The following EMX2 variants were observed in gnomAD, a reference collection of about 807,000 sequenced individuals.
EMX2 encodes homeobox protein EMX2.
A neutral mutation model predicts 23.0 loss-of-function variants in EMX2; 6 were observed. The observed-to-expected ratio is 0.26, with a 90% CI of 0.14 to 0.52. EMX2 has a LOEUF of 0.52. Ranked by LOEUF, EMX2 falls within the 20% of genes least tolerant of loss-of-function variation. The probability of loss-of-function intolerance (pLI) is 0.97; values close to 1 mark genes in which losing one functional copy is unlikely to be tolerated. For missense variants in EMX2, 302 were observed against 341.4 expected, an observed-to-expected ratio of 0.88 and a Z score of 0.91; for synonymous variants, 175 against 153.3, an observed-to-expected ratio of 1.14 and a Z score of -1.04.
rs41308651 is a variant in EMX2 at position 117,548,048 on chromosome 10, C to A, written c.592-17C>A. On this transcript the variant is annotated splice_polypyrimidine_tract_variant and intron_variant, in intron 2 of 2. Transcript: ENST00000553456. ...CTCTGAAAGAACTAACGCACCCCAT[C>A]TGCCTCTCACCCGCAGGTAAAAGTA... 2,576 of 1,603,146 alleles carry A rather than the reference C, an allele frequency of 1.6e-3. 4 individuals carry two copies. Among genetic ancestry groups the A allele is most frequent in the Non-Finnish European group, 2.0e-3 (2,347 of 1,174,858 alleles).
At chr10:117,545,891 A>G (rs1846571801) in intron 2 of EMX2, 75 bp downstream of exon 2, 1 of 1,596,544 alleles carries the variant, frequency 6.3e-7, no homozygotes, top group Non-Finnish European at 8.6e-7. Flanking sequence ...AAGCACACCC[A>G]TGAGCACGGA....
intron 1 of EMX2, chr10:117,545,096 C>A (rs1344539461): frequency 1.3e-5 from 2 of 152,244 alleles, no homozygotes; most frequent in African/African-American, 4.8e-5. Flanking sequence ...CTGTCCCGAT[C>A]GGGCTTCAAC....
In EMX2 at chr10:117,548,967, C is replaced by A; in HGVS notation, c.*735C>A. ...CCAAGAAATGTGCAGTCTGTAAACA[C>A]TTTTTGATACCTTCTGATGTCAAAG... On this transcript the variant is annotated 3_prime_UTR_variant, in exon 3 of 3. Transcript: ENST00000553456. The A allele has an allele frequency of 4.7e-6, 1 of 210,544 alleles. No homozygotes were observed. Among genetic ancestry groups the A allele is most frequent in the Admixed American group, 6.6e-5 (1 of 15,184 alleles). 13.0% of individuals were successfully genotyped at this position (210,544 alleles called of 1,614,324 possible).
Position 117,543,777 on chromosome 10 carries a change from C to T in EMX2, c.406+104C>T, listed in dbSNP as rs537483924. ...CTTGGCAAGGCCTGGGCGGAGGTTC[C>T]TCCGGCTCGCGGGCCAGCGCGCCCT... is the stretch of plus-strand genomic sequence containing the variant. On this transcript the variant is annotated intron_variant, in intron 1 of 2. Transcript: ENST00000553456. 309 of 1,571,844 alleles carry T rather than the reference C, an allele frequency of 2.0e-4. 4 individuals are homozygous for T. Among genetic ancestry groups the T allele is most frequent in the Middle Eastern group, 1.7e-3 (10 of 6,004 alleles).
chr10:117,548,567 AGAGAG>A lies in EMX2; in HGVS notation c.*336_*340del. On this transcript the variant is annotated 3_prime_UTR_variant, in exon 3 of 3. Coordinates refer to ENST00000553456, the MANE Select transcript of EMX2 (RefSeq NM_004098.4). Reference sequence around the variant, plus strand: ...GAGAGAAAGAGAGAGAGAGAGAGAGAGAGAGAAAGCTGAACGTGCACTCTGACAAG... The same window carrying A: ...GAGAGAAAGAGAGAGAGAGAGAGAGAAAAGCTGAACGTGCACTCTGACAAG... The A allele has an allele frequency of 3.8e-6, 2 of 523,424 alleles. No individual in the cohort carries two copies. Among genetic ancestry groups the A allele is most frequent in the South Asian group, 3.3e-5 (1 of 30,500 alleles). 32.4% of individuals were successfully genotyped at this position (523,424 alleles called of 1,614,324 possible).
rs1846609519 is a variant in EMX2, at chr10:117,548,324, A to C, written c.*92A>C. Reference sequence around the variant, plus strand: ...GAAAAAACCCTACAAAACAAAAACAAACCGCATACACGTTCACCGAGAAAG... The same window carrying C: ...GAAAAAACCCTACAAAACAAAAACACACCGCATACACGTTCACCGAGAAAG... On this transcript the variant is annotated 3_prime_UTR_variant, in exon 3 of 3. Transcript: ENST00000553456. The C allele has an allele frequency of 1.1e-5, 16 of 1,494,594 alleles. No homozygotes were observed. Among genetic ancestry groups the C allele is most frequent in the South Asian group, 9.7e-5 (8 of 82,752 alleles). 92.6% of individuals were successfully genotyped at this position (1,494,594 alleles called of 1,614,324 possible).
In EMX2 at chr10:117,545,853, G is replaced by A. The variant is rs1436651430; in HGVS notation, c.591+37G>A. 1.9e-6 allele frequency: 3 copies of A among 1,612,996 alleles called. No homozygotes were observed. The East Asian group carries it at 6.7e-5, about 36-fold the overall frequency. On this transcript the variant is annotated intron_variant, in intron 2 of 2. Coordinates refer to ENST00000553456, the MANE Select transcript of EMX2 (RefSeq NM_004098.4). ...CCGGGCGCGAGGAACCCATCTAGGC[G>A]TGCGCCCCCTCCCCAAAGCTGGCTC...
chr10:117,544,058 C>T (rs1846539238), intron 1 of EMX2, among the ~76,000 whole-genome samples: 2 of 152,182 alleles, frequency 1.3e-5, no homozygotes, highest in Admixed American at 1.3e-4. Flanking sequence ...CTCCGAGGGG[C>T]GCGGACAGGA....
intron 1 of EMX2, among the ~76,000 whole-genome samples, chr10:117,545,407 C>A (rs1290827166): frequency 6.6e-6 from 1 of 152,176 alleles, no homozygotes; most frequent in Non-Finnish European, 1.5e-5. Context: ...TCTGCGACAG[C>A]GGCTGGTTGG....
chr10:117,543,637 A>G lies in EMX2; in HGVS notation c.370A>G (p.Ile124Val). The G allele has an allele frequency of 6.2e-7, 1 of 1,613,202 alleles. No individual in the cohort carries two copies. The highest frequency in any genetic ancestry group is 8.5e-7 in the Non-Finnish European group (1 of 1,179,680). Reference protein sequence around the residue: ...RDPSTFYPWLIHRYRYLGHRF... With the variant: ...RDPSTFYPWLVHRYRYLGHRF... Reference sequence around the variant, plus strand: ...TCCGTCCACCTTCTACCCCTGGCTCATCCACCGCTACCGATATCTGGGTCA... The same window carrying G: ...TCCGTCCACCTTCTACCCCTGGCTCGTCCACCGCTACCGATATCTGGGTCA... Residue 124 changes from isoleucine (I) to valine (V), a missense_variant, in exon 1 of 3, where the codon ATC (isoleucine) becomes GTC (valine). Ile to Val is a conservative substitution (Grantham distance 29, BLOSUM62 3). Coordinates refer to ENST00000553456, the MANE Select transcript of EMX2 (RefSeq NM_004098.4).
Position 117,543,494 on chromosome 10 carries a change from C to T in EMX2, c.227C>T (p.Ser76Leu). 6.2e-7 allele frequency: 1 copy of T among 1,609,724 alleles called. No individual in the cohort carries two copies. The highest frequency in any genetic ancestry group is 8.5e-7 in the Non-Finnish European group (1 of 1,178,492). The change falls in exon 1 of 3, where the codon TCG (serine) becomes TTG (leucine). Residue 76 changes from serine (S) to leucine (L), a missense_variant. Physicochemically the swap from Ser to Leu is moderately radical, Grantham distance 145. Coordinates refer to ENST00000553456, the MANE Select transcript of EMX2 (RefSeq NM_004098.4). ...NPDLVFAEAV[S>L]HPPNPAVPVH... ...GACTTGGTGTTCGCCGAGGCGGTCT[C>T]GCACCCGCCCAACCCCGCCGTGCCA...
Position 117,543,233 on chromosome 10 carries a change from G to T in EMX2, c.-35G>T. On this transcript the variant is annotated 5_prime_UTR_variant, in exon 1 of 3. Transcript: ENST00000553456. Reference sequence around the variant, plus strand: ...AGGCAGCGTGCGGCGGTCGCCAGGAGCTGGGAGCCCAGGGCGCCCGCTCCT... The same window carrying T: ...AGGCAGCGTGCGGCGGTCGCCAGGATCTGGGAGCCCAGGGCGCCCGCTCCT... 1 of 1,387,742 alleles carries T rather than the reference G, an allele frequency of 7.2e-7. No individual in the cohort carries two copies. The highest frequency in any genetic ancestry group is 9.5e-7 in the Non-Finnish European group (1 of 1,051,192). The allele number at this position is 1,387,742 out of a possible 1,614,324, so 86.0% of individuals were successfully genotyped here. A position where few individuals can be genotyped will look rare whatever the true frequency, so the allele number is the denominator to read the frequency against.
At position 117,543,232 on chromosome 10, in the gene EMX2, A is replaced by C. The variant is rs1394485418; in HGVS notation, c.-36A>C. 4 of 1,305,534 alleles carry C rather than the reference A, an allele frequency of 3.1e-6. No individual in the cohort carries two copies. The highest frequency in any genetic ancestry group is 5.2e-5 in the Admixed American group (2 of 38,264). The allele number at this position is 1,305,534 out of a possible 1,614,324, so 80.9% of individuals were successfully genotyped here. ...GAGGCAGCGTGCGGCGGTCGCCAGGAGCTGGGAGCCCAGGGCGCCCGCTCC... is the reference window on the plus strand; with the variant it reads ...GAGGCAGCGTGCGGCGGTCGCCAGGCGCTGGGAGCCCAGGGCGCCCGCTCC... On this transcript the variant is annotated 5_prime_UTR_variant, in exon 1 of 3. Transcript: ENST00000553456.
At chr10:117,546,415 C>T (rs2133970102) in intron 2 of EMX2, among the ~76,000 whole-genome samples, 1 of 152,360 alleles carries the variant, frequency 6.6e-6, no homozygotes. Flanking sequence ...GCGGGCCTGG[C>T]TTGGGTTTAT....
intron 2 of EMX2, 86 bp downstream of exon 2, chr10:117,545,902 G>T: frequency 6.4e-7 from 1 of 1,572,688 alleles, no homozygotes. Flanking sequence ...TGAGCACGGA[G>T]CTCTGTGAGG....
At position 117,545,679 on chromosome 10, in the gene EMX2, C is replaced by T; in HGVS notation, c.454C>T (p.Arg152Ter). The change falls in exon 2 of 3, where the codon CGA becomes TGA. Residue 152 changes from arginine to a stop codon, truncating the protein, a stop_gained. Coordinates refer to ENST00000553456, the MANE Select transcript of EMX2 (RefSeq NM_004098.4). LOFTEE classifies it high-confidence loss of function. Reference protein sequence around the residue: ...ESFLLHNALARKPKRIRTAFS... With the variant: ...ESFLLHNALA The stretch of plus-strand genomic sequence containing the variant: ...TTTCCTTTTGCACAACGCGCTGGCC[C>T]GAAAGCCCAAGCGGATCCGAACCGC... The T allele has an allele frequency of 6.2e-7, 1 of 1,614,114 alleles. No individual in the cohort carries two copies. The highest frequency in any genetic ancestry group is 2.2e-5 in the East Asian group (1 of 44,880).
rs374374688 is a variant in EMX2 at position 117,548,793 on chromosome 10, A to G, written c.*561A>G. 9.9e-6 allele frequency: 4 copies of G among 405,704 alleles called. No individual in the cohort carries two copies. The highest frequency in any genetic ancestry group is 8.7e-6 in the Non-Finnish European group (2 of 230,516). 25.1% of individuals were successfully genotyped at this position (405,704 alleles called of 1,614,324 possible). ...ATTAGTAATAAAAAACAAAAATTCCATATCTAGCCCCATCCCACACCTGTT... is the reference window on the plus strand; with the variant it reads ...ATTAGTAATAAAAAACAAAAATTCCGTATCTAGCCCCATCCCACACCTGTT... On this transcript the variant is annotated 3_prime_UTR_variant, in exon 3 of 3. Coordinates refer to ENST00000553456, the MANE Select transcript of EMX2 (RefSeq NM_004098.4).
At chr10:117,543,709 C>T in intron 1 of EMX2, 36 bp downstream of exon 1, 4 of 1,612,974 alleles carry the variant, frequency 2.5e-6, no homozygotes, top group Non-Finnish European at 2.5e-6. Flanking sequence ...GCGCGCCGCT[C>T]CCGCCGCATC....
In EMX2 at chr10:117,548,318, A is replaced by C; in HGVS notation, c.*86A>C. On this transcript the variant is annotated 3_prime_UTR_variant, in exon 3 of 3. Coordinates refer to ENST00000553456, the MANE Select transcript of EMX2 (RefSeq NM_004098.4). The stretch of plus-strand genomic sequence containing the variant: ...GAGAAGGAAAAAACCCTACAAAACA[A>C]AAACAAACCGCATACACGTTCACCG... The C allele has an allele frequency of 6.5e-7, 1 of 1,531,690 alleles. No individual in the cohort carries two copies. Among genetic ancestry groups the C allele is most frequent in the Non-Finnish European group, 8.8e-7 (1 of 1,133,076 alleles). 94.9% of individuals were successfully genotyped at this position (1,531,690 alleles called of 1,614,324 possible).
Sources: gnomAD v4.1 joint callset for allele counts (sites outside exome capture counted in the v4.1 genomes callset) on GRCh38, gnomAD v4.1.1 for gene constraint, MANE v1.5 for transcripts, NCBI Gene and HGNC (gene_info 2026-07-23, HGNC 2026-07-21) for gene names.